The following CHRNA6 variants were observed in gnomAD, a reference collection of about 807,000 sequenced individuals.
The protein encoded by CHRNA6 is cholinergic receptor nicotinic alpha 6 subunit, also known as neuronal acetylcholine receptor subunit alpha-6.
A neutral mutation model predicts 40.9 loss-of-function variants in CHRNA6; 31 were observed. The ratio of observed to expected loss-of-function variants is 0.76; its 90% CI spans 0.57 to 1.02. The LOEUF (loss-of-function observed/expected upper bound fraction) is 1.02, where lower values mean the gene tolerates loss of function less well. Among genes scored for constraint, CHRNA6 ranks in the 50% least tolerant of loss-of-function variants. The pLI is 0.00. For missense variants in CHRNA6, 546 were observed against 596.6 expected (o/e 0.92, Z 0.88); for synonymous variants, 222 against 221.3 (o/e 1.00, Z -0.03).
intron 1 of CHRNA6, among the ~76,000 whole-genome samples, chr8:42,765,646 T>TTG (rs1816966382): frequency 6.6e-6 from 1 of 151,696 alleles, no homozygotes; most frequent in Non-Finnish European, 1.5e-5. Flanking sequence ...CTAAAATCTG[T>TTG]ATCTACACCA....
intron 1 of CHRNA6, among the ~76,000 whole-genome samples, chr8:42,767,769 A>T (rs1816994112): frequency 6.6e-6 from 1 of 152,202 alleles, no homozygotes; most frequent in African/African-American, 2.4e-5. Flanking sequence ...AAGACATTTT[A>T]TAGCAGATAA....
chr8:42,760,440 G>A (rs992349545), intron 2 of CHRNA6, among the ~76,000 whole-genome samples: 2 of 147,680 alleles, frequency 1.4e-5, no homozygotes, highest in Non-Finnish European at 3.0e-5. Context: ...ACACACACTC[G>A]TACGTGTGCA....
intron 5 of CHRNA6, 30 bp from the exon 6 acceptor site, chr8:42,753,340 T>C (rs377013442): frequency 2.5e-6 from 4 of 1,588,914 alleles, no homozygotes; most frequent in Non-Finnish European, 3.4e-6. Context: ...TAAGAGCTGT[T>C]TTAAAAAACC....
rs1033656023 is a variant in CHRNA6 at position 42,767,058 on chromosome 8, C to T, written c.79+1294G>A. Reference sequence around the variant, plus strand: ...TCTCGGCTCACTGCAAGCTCCGCCTCCCAGGTTCATGCCATTCTCCTGCCT... The same window carrying T: ...TCTCGGCTCACTGCAAGCTCCGCCTTCCAGGTTCATGCCATTCTCCTGCCT... On this transcript the variant is annotated intron_variant, in intron 1 of 5. Coordinates refer to ENST00000276410, the MANE Select transcript of CHRNA6 (RefSeq NM_004198.3). 2.0e-4 allele frequency among the ~76,000 whole-genome samples: 31 copies of T among 152,312 alleles called. 1 individual carries two copies. Among genetic ancestry groups the T allele is most frequent in the African/African-American group, 7.5e-4 (31 of 41,584 alleles).
intron 2 of CHRNA6, among the ~76,000 whole-genome samples, chr8:42,764,788 G>T (rs560121974): frequency 6.6e-6 from 1 of 152,120 alleles, no homozygotes; most frequent in African/African-American, 2.4e-5. Context: ...GTAAACAGGC[G>T]TCTGGTGCAT....
chr8:42,763,712 C>T (rs1185479478), intron 2 of CHRNA6, among the ~76,000 whole-genome samples: 1 of 152,196 alleles, frequency 6.6e-6, no homozygotes. Flanking sequence ...CAAATAAATA[C>T]TCACTAAAGG....
At chr8:42,761,667 C>A (rs115187374) in intron 2 of CHRNA6, among the ~76,000 whole-genome samples, 1,982 of 152,304 alleles carry the variant, frequency 0.013, 35 homozygotes, top group African/African-American at 0.045. Context: ...GCAAGTCATA[C>A]TCTCTCTCCA....
At chr8:42,760,309 T>A (rs1469059956) in intron 2 of CHRNA6, among the ~76,000 whole-genome samples, 1 of 143,716 alleles carries the variant, frequency 7.0e-6, no homozygotes, top group African/African-American at 2.8e-5. Context: ...GGTACTCTCA[T>A]ACACACTCAT....
intron 3 of CHRNA6, among the ~76,000 whole-genome samples, chr8:42,757,849 C>T (rs1361754159): frequency 2.0e-4 from 31 of 151,344 alleles, no homozygotes; most frequent in Non-Finnish European, 1.2e-4. Context: ...CTGCCTAACA[C>T]GGTGAAACCC....
At chr8:42,767,427 ACCT>A (rs1816991072) in intron 1 of CHRNA6, among the ~76,000 whole-genome samples, 2 of 151,992 alleles carry the variant, frequency 1.3e-5, no homozygotes, top group South Asian at 4.2e-4. Flanking sequence ...TTTCATTACT[ACCT>A]CCTCTACAAT....
In CHRNA6 at chr8:42,756,275, C is replaced by G. The variant is rs372414818; in HGVS notation, c.924G>C (p.Leu308=). 2 of 1,614,202 alleles carry G rather than the reference C, an allele frequency of 1.2e-6. No individual in the cohort carries two copies. Among genetic ancestry groups the G allele is most frequent in the South Asian group, 2.2e-5 (2 of 91,086 alleles). ...ACAGTGTGACAAAGATCATGGTGAA[C>G]AGCAGGTACTCACCCACCAGTGGGA... ...LVVPLVGEYL[L]FTMIFVTLSI... The change falls in exon 5 of 6, where the codon CTG becomes CTC. Residue 308 remains leucine (L), a synonymous_variant. Transcript: ENST00000276410.
At chr8:42,758,358 T>TG (rs796331948) in intron 3 of CHRNA6, among the ~76,000 whole-genome samples, 9 of 151,946 alleles carry the variant, frequency 5.9e-5, no homozygotes, top group South Asian at 2.1e-4. Context: ...TTCTGTTTTT[T>TG]TTTTGTTTTG....
chr8:42,768,245 A>G (rs1463308204), intron 1 of CHRNA6, 107 bp downstream of exon 1: 3 of 856,382 alleles, frequency 3.5e-6, no homozygotes, highest in Non-Finnish European at 3.8e-6. Context: ...GCTCCTATGC[A>G]GACCATAGAA....
At chr8:42,759,417 A>C in intron 2 of CHRNA6, 1 of 286,536 alleles carries the variant, frequency 3.5e-6, no homozygotes. Flanking sequence ...AGTTCCATGA[A>C]AGGAAGGAAA....
chr8:42,760,071 C>T (rs1045130007), intron 2 of CHRNA6, among the ~76,000 whole-genome samples: 5 of 152,184 alleles, frequency 3.3e-5, no homozygotes, highest in Admixed American at 6.5e-5. Context: ...GGAAAAGGTC[C>T]TGCCTTCATG....
chr8:42,752,958 A>G lies in CHRNA6; in HGVS notation c.*221T>C, dbSNP rs199674043. ...ATACTGTAGCCGTGGGTGCTGCCCAATCAGGGCACTAATGTCATAACACTT... is the reference window on the plus strand; with the variant it reads ...ATACTGTAGCCGTGGGTGCTGCCCAGTCAGGGCACTAATGTCATAACACTT... On this transcript the variant is annotated 3_prime_UTR_variant, in exon 6 of 6. Transcript: ENST00000276410. The G allele has an allele frequency of 1.7e-5, 7 of 421,868 alleles. No individual in the cohort carries two copies. Among genetic ancestry groups the G allele is most frequent in the African/African-American group, 4.2e-5 (2 of 48,116 alleles). The allele number at this position is 421,868 out of a possible 1,614,324, so 26.1% of individuals were successfully genotyped here.
Position 42,753,280 on chromosome 8 carries a change from C to G in CHRNA6, c.1384G>C (p.Val462Leu). The change falls in exon 6 of 6, where the codon GTG becomes CTG. Residue 462 changes from valine (V) to leucine (L), a missense_variant. By Grantham distance (32) the Val-to-Leu change is conservative. Transcript: ENST00000276410. ...ACCCAAAGAAATACTCTGTCCACCA[C>G]CATGGCCACGTATTTCCAGTCATCT... ...VEDDWKYVAM[V>L]VDRVFLWVFI... 2 of 1,609,436 alleles carry G rather than the reference C, an allele frequency of 1.2e-6. No homozygotes were observed. Among genetic ancestry groups the G allele is most frequent in the Non-Finnish European group, 1.7e-6 (2 of 1,179,064 alleles).
rs183252235 is a variant in CHRNA6, at chr8:42,759,160, G to T, written c.220-47C>A. ...TTTAGCCTCAAATGTGCTTGCCATAGAGGTGAGACTTAGAGCAAAAATTAC... is the reference window on the plus strand; with the variant it reads ...TTTAGCCTCAAATGTGCTTGCCATATAGGTGAGACTTAGAGCAAAAATTAC... On this transcript the variant is annotated intron_variant, in intron 2 of 5. Coordinates refer to ENST00000276410, the MANE Select transcript of CHRNA6 (RefSeq NM_004198.3). 1.7e-5 allele frequency: 26 copies of T among 1,496,376 alleles called. No homozygotes were observed. The African/African-American group carries it at 3.0e-4, about 17-fold the overall frequency. 92.7% of individuals were successfully genotyped at this position (1,496,376 alleles called of 1,614,324 possible).
At chr8:42,759,029 A>G in intron 3 of CHRNA6, 40 bp downstream of exon 3, 1 of 1,526,670 alleles carries the variant, frequency 6.6e-7, no homozygotes, top group Non-Finnish European at 9.1e-7. Context: ...GGTTTTATCC[A>G]TTCAACATCA....
Sources: allele counts gnomAD v4.1 joint callset (sites outside exome capture counted in the v4.1 genomes callset), GRCh38; gene constraint gnomAD v4.1.1; transcripts MANE v1.5; gene names NCBI Gene and HGNC (gene_info 2026-07-23, HGNC 2026-07-21).